Variants in RYR2 observed in about 807,000 individuals in gnomAD.
RYR2 encodes the protein ryanodine receptor 2.
In RYR2, 227 loss-of-function variants were observed where a neutral mutation model predicts 601.1. The ratio of observed to expected loss-of-function variants is 0.38; its 90% CI spans 0.34 to 0.42. RYR2 has a LOEUF of 0.42. Among genes scored for constraint, RYR2 ranks in the 10% least tolerant of loss-of-function variants. The pLI is 1.00. For missense variants in RYR2, 4,646 were observed against 6,156.5 expected (o/e 0.75, Z 8.21); for synonymous variants, 2,223 against 2,175.1 (o/e 1.02, Z -0.61).
At chr1:237,047,011 C>G (rs1660680345) in intron 1 of RYR2, among the ~76,000 whole-genome samples, 1 of 152,054 alleles carries the variant, frequency 6.6e-6, no homozygotes, top group Non-Finnish European at 1.5e-5. Flanking sequence ...TAGGAAGAGG[C>G]CTTTAGAAAA....
In RYR2 at chr1:237,717,246, C is replaced by T. The variant is rs1338386727; in HGVS notation, c.10372C>T (p.Arg3458Trp). The T allele has an allele frequency of 4.3e-6, 7 of 1,613,542 alleles. No homozygotes were observed. Among genetic ancestry groups the T allele is most frequent in the Non-Finnish European group, 5.1e-6 (6 of 1,179,700 alleles). ...GAAGAAAATGAAGCGCAAAGGAGAT[C>T]GGTATTCCATGCAGACCTCTCTGAT... Reference protein sequence around the residue: ...ERKKMKRKGDRYSMQTSLIVA... With the variant: ...ERKKMKRKGDWYSMQTSLIVA... Residue 3458 changes from arginine to tryptophan, a missense_variant, in exon 72 of 105, where the codon CGG (arginine) becomes TGG (tryptophan). This residue lies in a region of RYR2 where 1,497 missense variants were observed against 1,842.6 expected (regional missense o/e 0.81). Transcript: ENST00000366574.
chr1:237,608,796 G>GTTTTTT (rs33945891), intron 35 of RYR2, among the ~76,000 whole-genome samples: 6 of 119,216 alleles, frequency 5.0e-5, no homozygotes, highest in East Asian at 2.9e-4. Flanking sequence ...AGACTGACCT[G>GTTTTTT]TTTTTTTTTT....
At position 237,744,334 on chromosome 1, in the gene RYR2, TTTTG is replaced by T. The variant is rs1223889489; in HGVS notation, c.11145+1997_11145+2000del. On this transcript the variant is annotated intron_variant, in intron 80 of 104. Coordinates refer to ENST00000366574, the MANE Select transcript of RYR2 (RefSeq NM_001035.3). Reference sequence around the variant, plus strand: ...AAGATGATACCTATAAAGACTTTAGTTTTGTTTGTTTGTTTAAAAAAAAAAAAAG... The same window carrying T: ...AAGATGATACCTATAAAGACTTTAGTTTTGTTTGTTTAAAAAAAAAAAAAG... 4.7e-5 allele frequency among the ~76,000 whole-genome samples: 7 copies of T among 149,732 alleles called. No homozygotes were observed. The East Asian group carries it at 9.8e-4, about 21-fold the overall frequency.
intron 63 of RYR2, among the ~76,000 whole-genome samples, chr1:237,695,575 T>C (rs554761512): frequency 3.3e-5 from 5 of 152,306 alleles, no homozygotes; most frequent in Admixed American, 2.0e-4. Context: ...CTTACAAAAC[T>C]CTGCTGGCCC....
intron 23 of RYR2, among the ~76,000 whole-genome samples, chr1:237,509,489 A>C (rs1665660902): frequency 1.3e-5 from 2 of 152,196 alleles, no homozygotes; most frequent in Non-Finnish European, 2.9e-5. Context: ...AGAGGAAGTT[A>C]TCGTTACTTT....
At chr1:237,530,305 C>T (rs1027838907) in intron 24 of RYR2, 122 bp from the exon 25 acceptor site, 20 of 632,916 alleles carry the variant, frequency 3.2e-5, no homozygotes, top group Admixed American at 1.4e-4. Flanking sequence ...AGCGAGACTC[C>T]GTCTCAAAAA....
At chr1:237,745,704 A>T (rs987171382) in intron 80 of RYR2, among the ~76,000 whole-genome samples, 4 of 152,320 alleles carry the variant, frequency 2.6e-5, no homozygotes, top group African/African-American at 9.6e-5. Flanking sequence ...ATGGAGCATG[A>T]CCTGAGAGAA....
At chr1:237,525,087 C>T (rs1667440197) in intron 24 of RYR2, among the ~76,000 whole-genome samples, 1 of 152,098 alleles carries the variant, frequency 6.6e-6, no homozygotes, top group Non-Finnish European at 1.5e-5. Context: ...CAACATTGTA[C>T]TTGACAGGTA....
At chr1:237,536,452 C>G (rs1017761939) in intron 25 of RYR2, among the ~76,000 whole-genome samples, 1 of 142,438 alleles carries the variant, frequency 7.0e-6, no homozygotes, top group Admixed American at 7.2e-5. Context: ...TGGTGGCTCA[C>G]GCCTGTAACC....
intron 16 of RYR2, among the ~76,000 whole-genome samples, chr1:237,468,747 T>C (rs778874968): frequency 1.3e-5 from 2 of 152,180 alleles, no homozygotes; most frequent in Non-Finnish European, 2.9e-5. Flanking sequence ...AATAATTTAA[T>C]CTCATGGCTA....
At chr1:237,072,947 C>CAAAAAAA (rs34070186) in intron 1 of RYR2, among the ~76,000 whole-genome samples, 6 of 104,170 alleles carry the variant, frequency 5.8e-5, no homozygotes, top group Non-Finnish European at 5.4e-5. Flanking sequence ...GACTCCATCT[C>CAAAAAAA]AAAAAAAAAA....
chr1:237,207,304 G>A (rs559554822), intron 1 of RYR2, among the ~76,000 whole-genome samples: 10 of 152,182 alleles, frequency 6.6e-5, no homozygotes, highest in Non-Finnish European at 1.2e-4. Flanking sequence ...GGCGGCTCAC[G>A]CCTATAATCC....
chr1:237,083,674 G>C (rs1665993830), intron 1 of RYR2, among the ~76,000 whole-genome samples: 3 of 152,116 alleles, frequency 2.0e-5, no homozygotes, highest in Admixed American at 6.5e-5. Flanking sequence ...ACAAAGCAAA[G>C]TGCCCTTTAA....
intron 1 of RYR2, among the ~76,000 whole-genome samples, chr1:237,162,713 G>A (rs1158784518): frequency 1.3e-5 from 2 of 152,124 alleles, no homozygotes; most frequent in African/African-American, 4.8e-5. Context: ...AGAAACTGCA[G>A]GCACAGGCAG....
At chr1:237,285,230 A>G (rs1192559049) in intron 2 of RYR2, among the ~76,000 whole-genome samples, 1 of 152,124 alleles carries the variant, frequency 6.6e-6, no homozygotes, top group Admixed American at 6.6e-5. Flanking sequence ...CTGAGTTTTA[A>G]TCATAAAGTG....
At chr1:237,081,264 A>G (rs2148394789) in intron 1 of RYR2, among the ~76,000 whole-genome samples, 1 of 125,044 alleles carries the variant, frequency 8.0e-6, no homozygotes, top group Non-Finnish European at 1.7e-5. Flanking sequence ...CATGTACCCT[A>G]AAACTTAGAG....
chr1:237,773,764 G>A (rs1343652414), intron 87 of RYR2, 116 bp downstream of exon 87: 2 of 753,428 alleles, frequency 2.7e-6, no homozygotes, highest in African/African-American at 1.8e-5. Flanking sequence ...TTTGCAAATT[G>A]CTACAATTAA....
rs376330010 is a variant in RYR2 at position 237,536,588 on chromosome 1, G to T, written c.2906+6078G>T. On this transcript the variant is annotated intron_variant, in intron 25 of 104. Coordinates refer to ENST00000366574, the MANE Select transcript of RYR2 (RefSeq NM_001035.3). Reference sequence around the variant, plus strand: ...AAATTAGCCGGGCGTGGTGGCGGGCGCCTGTAGTCCCTGCTACTGGGGAGA... The same window carrying T: ...AAATTAGCCGGGCGTGGTGGCGGGCTCCTGTAGTCCCTGCTACTGGGGAGA... 1.5e-4 allele frequency among the ~76,000 whole-genome samples: 23 copies of T among 152,220 alleles called. 1 individual carries two copies. In the South Asian group the frequency reaches 4.1e-3, roughly 27 times the overall value.
intron 1 of RYR2, among the ~76,000 whole-genome samples, chr1:237,185,266 C>T (rs1261612121): frequency 6.6e-6 from 1 of 152,088 alleles, no homozygotes; most frequent in Non-Finnish European, 1.5e-5. Context: ...TCCCAAATTG[C>T]TGTTACGGGC....
Sources: gnomAD v4.1 joint callset for allele counts (sites outside exome capture counted in the v4.1 genomes callset) on GRCh38, gnomAD v4.1.1 for gene constraint, gnomAD v4.1.1 regional missense constraint, MANE v1.5 for transcripts, NCBI Gene and HGNC (gene_info 2026-07-23, HGNC 2026-07-21) for gene names.